Variants in ZMYM2 observed in about 807,000 individuals in gnomAD.
ZMYM2 encodes zinc finger MYM-type containing 2, also known as zinc finger MYM-type protein 2.
A neutral mutation model predicts 162.8 loss-of-function variants in ZMYM2; 56 were observed. The observed-to-expected ratio is 0.34, with a 90% CI of 0.28 to 0.43. The LOEUF is 0.43. Among genes scored for constraint, ZMYM2 ranks in the 20% least tolerant of loss-of-function variants. The pLI is 1.00. For missense variants in ZMYM2, 1,275 were observed against 1,621.8 expected (o/e 0.79, Z 3.67); for synonymous variants, 510 against 541.6 (o/e 0.94, Z 0.81).
intron 3 of ZMYM2, 25 bp from the exon 4 acceptor site, chr13:20,002,825 C>G: frequency 6.2e-7 from 1 of 1,602,682 alleles, no homozygotes; most frequent in Non-Finnish European, 8.5e-7. Flanking sequence ...TTTCATTATT[C>G]TTTCTTGTGC....
At chr13:19,904,733 A>G in the ZMYM2 span, among the ~76,000 whole-genome samples, 1 of 152,284 alleles carries the variant, frequency 6.6e-6, no homozygotes, top group Non-Finnish European at 1.5e-5. Flanking sequence ...ATCTCTTTAT[A>G]TACACTCTTC....
At chr13:19,947,408 C>T in the ZMYM2 span, among the ~76,000 whole-genome samples, 2 of 150,254 alleles carry the variant, frequency 1.3e-5, no homozygotes, top group Non-Finnish European at 3.0e-5. Flanking sequence ...TTGATGTAGG[C>T]ACGTATTACT....
At chr13:20,031,659 T>C (rs530213162) in intron 10 of ZMYM2, among the ~76,000 whole-genome samples, 27 of 152,248 alleles carry the variant, frequency 1.8e-4, no homozygotes, top group African/African-American at 5.3e-4. Context: ...ATTCCTGATA[T>C]ATTGTATAAG....
the ZMYM2 span, among the ~76,000 whole-genome samples, chr13:19,924,878 C>CTTTTTTTT: frequency 7.3e-6 from 1 of 136,772 alleles, no homozygotes; most frequent in Non-Finnish European, 1.6e-5. Flanking sequence ...TTTATTGAAA[C>CTTTTTTTT]TTTTTTTTTT....
chr13:20,064,469 TG>T lies in ZMYM2; in HGVS notation c.3058del (p.Glu1020LysfsTer57). The T allele has an allele frequency of 6.3e-7, 1 of 1,599,106 alleles. No individual in the cohort carries two copies. Among genetic ancestry groups the T allele is most frequent in the Non-Finnish European group, 8.5e-7 (1 of 1,172,506 alleles). On this transcript the variant is annotated frameshift_variant, in exon 19 of 25. Coordinates refer to ENST00000610343, the MANE Select transcript of ZMYM2 (RefSeq NM_197968.4). LOFTEE classifies it high-confidence loss of function. The part of the protein sequence containing the change: ...DFPRAAEELD[M>X]ENEFLLPPVF... The stretch of plus-strand genomic sequence containing the variant: ...TTGTCAGCTGCTGAGGAGCTTGATA[TG>T]GAAAATGAATTTTTATTACCACCTG...
chr13:19,900,362 A>G, the ZMYM2 span, among the ~76,000 whole-genome samples: 3 of 152,330 alleles, frequency 2.0e-5, no homozygotes, highest in Non-Finnish European at 2.9e-5. Context: ...ATAAATTACT[A>G]GAAACACTTA....
intron 12 of ZMYM2, among the ~76,000 whole-genome samples, chr13:20,038,055 CTT>C (rs1566365822): frequency 1.2e-4 from 19 of 152,140 alleles, no homozygotes; most frequent in African/African-American, 4.1e-4. Context: ...ATTTGCTTTT[CTT>C]TTCCTGTGTT....
intron 2 of ZMYM2, among the ~76,000 whole-genome samples, chr13:19,992,079 G>T (rs1431443615): frequency 6.6e-6 from 1 of 152,124 alleles, no homozygotes; most frequent in African/African-American, 2.4e-5. Flanking sequence ...CAGGAATGGG[G>T]ACCTGATATC....
intron 21 of ZMYM2, among the ~76,000 whole-genome samples, chr13:20,069,194 A>G (rs576266748): frequency 6.6e-6 from 1 of 152,170 alleles, no homozygotes; most frequent in Admixed American, 6.5e-5. Context: ...TATATACACA[A>G]TCATGTCACC....
the ZMYM2 span, among the ~76,000 whole-genome samples, chr13:19,880,678 C>T: frequency 6.6e-6 from 1 of 152,154 alleles, no homozygotes; most frequent in African/African-American, 2.4e-5. Context: ...ATCCACCCGC[C>T]TTGGACTCCC....
rs545601126 is a variant in ZMYM2, at chr13:20,015,297, A to G, written c.1513-4250A>G. On this transcript the variant is annotated intron_variant, in intron 6 of 24. Transcript: ENST00000610343. ...CCTTCTATTACTGATTTCTAGTTCTATTCCATTGCTCATTGGAAAGATACT... is the reference window on the plus strand; with the variant it reads ...CCTTCTATTACTGATTTCTAGTTCTGTTCCATTGCTCATTGGAAAGATACT... Among the ~76,000 whole-genome samples, 4 of 152,236 alleles carry G rather than the reference A, an allele frequency of 2.6e-5. No homozygotes were observed. The East Asian group carries it at 5.8e-4, about 22-fold the overall frequency.
At chr13:19,950,390 A>G in the ZMYM2 span, among the ~76,000 whole-genome samples, 1 of 152,238 alleles carries the variant, frequency 6.6e-6, no homozygotes, top group African/African-American at 2.4e-5. Context: ...ACATATTTTA[A>G]GTTTGGCCTA....
At chr13:19,906,367 A>G in the ZMYM2 span, among the ~76,000 whole-genome samples, 8 of 140,814 alleles carry the variant, frequency 5.7e-5, no homozygotes, top group East Asian at 2.1e-4. Context: ...ATATATATGT[A>G]TATATATATG....
chr13:19,977,782 G>A (rs1461526504), intron 2 of ZMYM2, among the ~76,000 whole-genome samples: 1 of 150,180 alleles, frequency 6.7e-6, no homozygotes. Context: ...GAGCCACCGC[G>A]CCCAGCCAAC....
chr13:19,880,533 A>C, the ZMYM2 span, among the ~76,000 whole-genome samples: 1 of 152,060 alleles, frequency 6.6e-6, no homozygotes, highest in South Asian at 2.1e-4. Flanking sequence ...GGTTCAAGCA[A>C]TTCTTCTGCC....
chr13:20,035,403 A>G (rs1953594809), intron 11 of ZMYM2, among the ~76,000 whole-genome samples: 1 of 152,216 alleles, frequency 6.6e-6, no homozygotes, highest in Non-Finnish European at 1.5e-5. Context: ...CTGGAATGGA[A>G]AGTAACCATG....
chr13:19,946,386 A>G, the ZMYM2 span, among the ~76,000 whole-genome samples: 4 of 152,008 alleles, frequency 2.6e-5, no homozygotes, highest in South Asian at 2.1e-4. Flanking sequence ...ATTGTCTTCC[A>G]TTTCTTAGGA....
intron 2 of ZMYM2, among the ~76,000 whole-genome samples, chr13:19,971,101 A>T (rs1276805150): frequency 6.6e-6 from 1 of 151,798 alleles, no homozygotes; most frequent in African/African-American, 2.4e-5. Context: ...GATTGTAGGT[A>T]GGGATCAAAG....
chr13:19,994,026 A>T (rs1949830023), intron 3 of ZMYM2, 107 bp downstream of exon 3: 3 of 1,242,076 alleles, frequency 2.4e-6, no homozygotes, highest in Middle Eastern at 2.5e-4. Flanking sequence ...CATCATGTGA[A>T]ATATGTGAAT....
Sources: allele counts gnomAD v4.1 joint callset (sites outside exome capture counted in the v4.1 genomes callset), GRCh38; gene constraint gnomAD v4.1.1; transcripts MANE v1.5; gene names NCBI Gene and HGNC (gene_info 2026-07-23, HGNC 2026-07-21).